The following LONP2 variants were observed in gnomAD, a reference collection of about 807,000 sequenced individuals.
The protein encoded by LONP2 is lon protease homolog 2, peroxisomal.
A neutral mutation model predicts 85.6 loss-of-function variants in LONP2; 60 were observed. The observed-to-expected ratio is 0.70, with a 90% CI of 0.57 to 0.87. LONP2 has a LOEUF of 0.87. Among genes scored for constraint, LONP2 ranks in the 40% least tolerant of loss-of-function variants. The pLI is 0.00. For missense variants in LONP2, 860 were observed against 1,063.5 expected (o/e 0.81, Z 2.66); for synonymous variants, 395 against 389.7 (o/e 1.01, Z -0.16).
At position 48,340,963 on chromosome 16, in the gene LONP2, G is replaced by C. The variant is rs151042963; in HGVS notation, c.1939-6544G>C. Among the ~76,000 whole-genome samples, 515 of 152,038 alleles carry C rather than the reference G, an allele frequency of 3.4e-3. 2 individuals are homozygous for C. Among genetic ancestry groups the C allele is most frequent in the African/African-American group, 0.012 (493 of 41,478 alleles). ...GAGACTGGGTAATTTATAAAGAAAA[G>C]AGGTTTAATTGGCTCACGGTTCTGA... On this transcript the variant is annotated intron_variant, in intron 12 of 14. Coordinates refer to ENST00000285737, the MANE Select transcript of LONP2 (RefSeq NM_031490.5).
At chr16:48,347,380 G>C in intron 12 of LONP2, 127 bp from the exon 13 acceptor site, 1 of 810,070 alleles carries the variant, frequency 1.2e-6, no homozygotes, top group South Asian at 1.6e-5. Flanking sequence ...AATCATGTTA[G>C]GTAACAAGGA....
intron 11 of LONP2, among the ~76,000 whole-genome samples, chr16:48,316,532 G>A (rs1973149754): frequency 6.6e-6 from 1 of 151,488 alleles, no homozygotes; most frequent in East Asian, 1.9e-4. Context: ...TCACCATGTT[G>A]GCCAGGCTGG....
intron 11 of LONP2, among the ~76,000 whole-genome samples, chr16:48,312,040 A>C (rs1305305548): frequency 1.3e-5 from 2 of 151,938 alleles, no homozygotes; most frequent in Non-Finnish European, 2.9e-5. Flanking sequence ...TCCTGGGTTC[A>C]AGTGATTCTT....
At position 48,244,502 on chromosome 16, in the gene LONP2, C is replaced by G; in HGVS notation, c.114C>G (p.Asn38Lys). ...TMRTSVDSAR[N>K]LQLVRSRLLK... ...GCACCAGCGTGGACTCGGCCCGCAA[C>G]CTGCAGCTGGTGCGGAGCCGCCTTC... Residue 38 changes from asparagine to lysine, a missense_variant, in exon 1 of 15, where the codon AAC becomes AAG. Coordinates refer to ENST00000285737, the MANE Select transcript of LONP2 (RefSeq NM_031490.5). 6.3e-7 allele frequency: 1 copy of G among 1,597,288 alleles called. No homozygotes were observed. The highest frequency in any genetic ancestry group is 8.5e-7 in the Non-Finnish European group (1 of 1,175,740).
chr16:48,336,011 C>A, intron 12 of LONP2, among the ~76,000 whole-genome samples: 1 of 152,196 alleles, frequency 6.6e-6, no homozygotes, highest in Non-Finnish European at 1.5e-5. Context: ...AGTGAAGACG[C>A]AAACAGGTTT....
intron 6 of LONP2, among the ~76,000 whole-genome samples, chr16:48,268,649 A>G (rs1035941523): frequency 2.0e-5 from 3 of 152,194 alleles, no homozygotes; most frequent in African/African-American, 7.2e-5. Context: ...CTGTGAAACA[A>G]TTGAGAAACT....
At chr16:48,267,896 G>A (rs1972024993) in intron 6 of LONP2, among the ~76,000 whole-genome samples, 1 of 152,206 alleles carries the variant, frequency 6.6e-6, no homozygotes, top group Non-Finnish European at 1.5e-5. Context: ...GATTACAGGT[G>A]TGAGCCACCG....
At chr16:48,358,097 G>A (rs1960441536), downstream of LONP2, among the ~76,000 whole-genome samples, 1 of 152,182 alleles carries the variant, frequency 6.6e-6, no homozygotes, top group South Asian at 2.1e-4. Flanking sequence ...AATGGACCAA[G>A]AAATATGGCT....
At chr16:48,344,868 A>C (rs369086430) in intron 12 of LONP2, 9 of 152,472 alleles carry the variant, frequency 5.9e-5, no homozygotes, top group African/African-American at 1.9e-4. Flanking sequence ...GCAGTGAGCC[A>C]AGATTGCACC....
downstream of LONP2, chr16:48,362,215 A>G: frequency 6.2e-7 from 1 of 1,614,228 alleles, no homozygotes; most frequent in South Asian, 1.1e-5. The surrounding 1 kb of genome is among the most constrained non-coding windows in gnomAD (Gnocchi z 4.2). Context: ...CAAGTTGGAC[A>G]ACATGTGAGC....
chr16:48,305,512 G>C (rs1054375079), intron 11 of LONP2, among the ~76,000 whole-genome samples: 2 of 152,076 alleles, frequency 1.3e-5, no homozygotes, highest in African/African-American at 4.8e-5. Context: ...ACCTTAGCCT[G>C]CCAAAGTGCT....
rs1960171883 is a variant in LONP2 at position 48,352,168 on chromosome 16, G to A, written c.*366G>A. 4.8e-6 allele frequency: 1 copy of A among 209,588 alleles called. No individual in the cohort carries two copies. Among genetic ancestry groups the A allele is most frequent in the Non-Finnish European group, 9.7e-6 (1 of 103,190 alleles). 13.0% of individuals were successfully genotyped at this position (209,588 alleles called of 1,614,324 possible). A position where few individuals can be genotyped will look rare whatever the true frequency, so the allele number is the denominator to read the frequency against. On this transcript the variant is annotated 3_prime_UTR_variant, in exon 15 of 15. Coordinates refer to ENST00000285737, the MANE Select transcript of LONP2 (RefSeq NM_031490.5). ...CCTGAATCAAATCCTGGGAGGTGGG[G>A]ACAGAAATCTGTGTTTTAAGAAGCC...
Position 48,347,681 on chromosome 16 carries a change from C to A in LONP2, c.2113C>A (p.Arg705Ser). ...CGCCCACCTCGCTATCAGCTGGCTC[C>A]GCAGCAACGCAAAGAAGTACCAGCT... Reference protein sequence around the residue: ...ESAHLAISWLRSNAKKYQLTN... With the variant: ...ESAHLAISWLSSNAKKYQLTN... Residue 705 changes from arginine (R) to serine (S), a missense_variant, in exon 13 of 15, where the codon CGC becomes AGC. Around this residue, in one of 3 missense-constraint regions of LONP2, gnomAD observed 743 missense variants for 917.3 expected, o/e 0.81. Coordinates refer to ENST00000285737, the MANE Select transcript of LONP2 (RefSeq NM_031490.5). 1.2e-6 allele frequency: 2 copies of A among 1,613,964 alleles called. No individual in the cohort carries two copies. Among genetic ancestry groups the A allele is most frequent in the Non-Finnish European group, 1.7e-6 (2 of 1,179,996 alleles).
chr16:48,292,466 TG>T (rs1264850657), intron 8 of LONP2, among the ~76,000 whole-genome samples: 1 of 152,170 alleles, frequency 6.6e-6, no homozygotes, highest in Non-Finnish European at 1.5e-5. Flanking sequence ...CTTAGTGATT[TG>T]GGGGTCCTGA....
In LONP2 at chr16:48,347,710, C is replaced by T. The variant is rs748094937; in HGVS notation, c.2142C>T (p.Thr714=). The T allele has an allele frequency of 1.1e-5, 17 of 1,612,192 alleles. No homozygotes were observed. In the East Asian group the frequency reaches 3.8e-4, roughly 36 times the overall value. The change falls in exon 13 of 15, where the codon ACC becomes ACT. Residue 714 remains threonine, a synonymous_variant. Coordinates refer to ENST00000285737, the MANE Select transcript of LONP2 (RefSeq NM_031490.5). Reference sequence around the variant, plus strand: ...GCAACGCAAAGAAGTACCAGCTGACCAATGGTAGGAGCCTGCACCCGGCCA... The same window carrying T: ...GCAACGCAAAGAAGTACCAGCTGACTAATGGTAGGAGCCTGCACCCGGCCA... The part of the protein sequence containing the change: ...LRSNAKKYQL[T]NAFGSFDLLD...
In LONP2 at chr16:48,343,300, T is replaced by G. The variant is rs74729607; in HGVS notation, c.1939-4207T>G. On this transcript the variant is annotated intron_variant, in intron 12 of 14. Transcript: ENST00000285737. ...ACAAAGAGTTGTGCATGCTTACAAT[T>G]TCAATCAAATATCACTATTTTTAGT... Among the ~76,000 whole-genome samples the G allele has an allele frequency of 4.4e-3, 670 of 152,338 alleles. 2 individuals are homozygous for G. Among genetic ancestry groups the G allele is most frequent in the Non-Finnish European group, 7.1e-3 (483 of 68,040 alleles).
intron 2 of LONP2, among the ~76,000 whole-genome samples, chr16:48,253,414 G>T (rs765462511): frequency 5.9e-5 from 9 of 151,530 alleles, no homozygotes; most frequent in Non-Finnish European, 1.3e-4. Context: ...AAGTTGCAGT[G>T]AGCCAAGATT....
Position 48,351,690 on chromosome 16 carries a change from G to A in LONP2, c.2447G>A (p.Arg816Gln), listed in dbSNP as rs772493980. The A allele has an allele frequency of 3.1e-6, 5 of 1,614,046 alleles. No individual in the cohort carries two copies. In the African/African-American group the frequency reaches 4.0e-5, roughly 13 times the overall value. ...CTTGAGGGAATCCCAGGCAACGTAC[G>A]ACAGGATTTAAGTTTTGTCACAGCA... Reference protein sequence around the residue: ...KDLEGIPGNVRQDLSFVTASC... With the variant: ...KDLEGIPGNVQQDLSFVTASC... The change falls in exon 15 of 15, where the codon CGA becomes CAA. Residue 816 changes from arginine to glutamine, a missense_variant. Coordinates refer to ENST00000285737, the MANE Select transcript of LONP2 (RefSeq NM_031490.5).
intron 8 of LONP2, among the ~76,000 whole-genome samples, chr16:48,290,383 C>T (rs974554594): frequency 6.6e-6 from 1 of 152,198 alleles, no homozygotes; most frequent in Non-Finnish European, 1.5e-5. Context: ...CAACCGACCA[C>T]AGCTGGGTGT....
Sources: allele counts gnomAD v4.1 joint callset (sites outside exome capture counted in the v4.1 genomes callset), GRCh38; gene constraint gnomAD v4.1.1; regional missense constraint gnomAD v4.1.1; non-coding constraint Gnocchi (gnomAD v3.1); transcripts MANE v1.5; gene names NCBI Gene and HGNC (gene_info 2026-07-23, HGNC 2026-07-21).